The following ROCK1 variants were observed in gnomAD, a reference collection of about 807,000 sequenced individuals.
The protein encoded by ROCK1 is Rho associated coiled-coil containing protein kinase 1.
A neutral mutation model predicts 196.8 loss-of-function variants in ROCK1; 36 were observed. The observed-to-expected ratio is 0.18, with a 90% CI of 0.14 to 0.24. The LOEUF (loss-of-function observed/expected upper bound fraction) is 0.24. Ranked by LOEUF, ROCK1 falls within the 10% of genes least tolerant of loss-of-function variation. ROCK1 has a pLI of 1.00. For missense variants in ROCK1, 920 were observed against 1,562.0 expected (o/e 0.59, Z 6.93); for synonymous variants, 443 against 515.9 (o/e 0.86, Z 1.91).
chr18:20,959,062 T>TATA, intron 29 of ROCK1, among the ~76,000 whole-genome samples: 5 of 47,734 alleles, frequency 1.0e-4, no homozygotes, highest in African/African-American at 3.0e-4. Context: ...ATATATTATA[T>TATA]TTTATATTAT....
intron 8 of ROCK1, among the ~76,000 whole-genome samples, chr18:21,040,199 T>C (rs766654496): frequency 1.3e-5 from 2 of 152,236 alleles, no homozygotes; most frequent in Non-Finnish European, 2.9e-5. Flanking sequence ...TTTTTGTGTG[T>C]GTGTGTTATT....
intron 22 of ROCK1, among the ~76,000 whole-genome samples, chr18:20,973,698 T>G (rs1362402658): frequency 6.6e-6 from 1 of 152,328 alleles, no homozygotes; most frequent in Non-Finnish European, 1.5e-5. Flanking sequence ...GGTACTATTC[T>G]CTACTTAGAA....
In ROCK1 at chr18:20,970,432, C is replaced by G; in HGVS notation, c.2736G>C (p.Gln912His). Residue 912 changes from glutamine (Q) to histidine (H), a missense_variant, in exon 23 of 33, where the codon CAG becomes CAC. Transcript: ENST00000399799. Reference sequence around the variant, plus strand: ...TGCTTTCTTGCGTCAATTCAAAATACTGTTCTTCCAGAAGGCCTCGCGCCA... The same window carrying G: ...TGCTTTCTTGCGTCAATTCAAAATAGTGTTCTTCCAGAAGGCCTCGCGCCA... The part of the protein sequence containing the change: ...EQLARGLLEE[Q>H]YFELTQESKK... 1 of 1,613,952 alleles carries G rather than the reference C, an allele frequency of 6.2e-7. No homozygotes were observed. The highest frequency in any genetic ancestry group is 8.5e-7 in the Non-Finnish European group (1 of 1,179,842).
In ROCK1 at chr18:21,042,291, G is replaced by A. The variant is rs1026189251; in HGVS notation, c.821-56C>T. On this transcript the variant is annotated intron_variant, in intron 7 of 32. Transcript: ENST00000399799. ...AATGAAATACATTTTTAAAAAGTCA[G>A]TTTCAAAGGAAGAGTCAAAGTTACC... 2.8e-6 allele frequency: 4 copies of A among 1,454,264 alleles called. No homozygotes were observed. In the African/African-American group the frequency reaches 5.8e-5, roughly 21 times the overall value. The allele number at this position is 1,454,264 out of a possible 1,614,324, so 90.1% of individuals were successfully genotyped here.
At chr18:20,955,066 G>A in intron 30 of ROCK1, 22 bp from the exon 31 acceptor site, 1 of 1,547,518 alleles carries the variant, frequency 6.5e-7, no homozygotes, top group East Asian at 2.2e-5. Context: ...AATGGTGAAA[G>A]GAAAAGATTT....
intron 16 of ROCK1, among the ~76,000 whole-genome samples, chr18:21,004,307 C>T (rs2035751067): frequency 6.6e-6 from 1 of 152,124 alleles, no homozygotes; most frequent in Non-Finnish European, 1.5e-5. Flanking sequence ...CAGAAGCCCA[C>T]CATCCCAAAC....
In ROCK1 at chr18:21,108,635, T is replaced by C. The variant is rs556610414; in HGVS notation, c.93+2183A>G. ...GAGTCATCTGACTATTGCCTCTCTCTTTGGTTCCCCATCTTTTCCCTGCCA... is the reference window on the plus strand; with the variant it reads ...GAGTCATCTGACTATTGCCTCTCTCCTTGGTTCCCCATCTTTTCCCTGCCA... On this transcript the variant is annotated intron_variant, in intron 1 of 32. Transcript: ENST00000399799. 2.6e-5 allele frequency among the ~76,000 whole-genome samples: 4 copies of C among 152,356 alleles called. No homozygotes were observed. The East Asian group carries it at 7.7e-4, about 29-fold the overall frequency.
intron 21 of ROCK1, 34 bp from the exon 22 acceptor site, chr18:20,980,038 T>G: frequency 1.3e-6 from 2 of 1,487,020 alleles, no homozygotes; most frequent in Non-Finnish European, 1.8e-6. Context: ...AATAAGTGTT[T>G]ATGGTGGGTT....
rs2036748663 is a variant in ROCK1 at position 21,111,193 on chromosome 18, C to G, written c.-283G>C. The G allele has an allele frequency of 1.9e-6, 1 of 535,116 alleles. No homozygotes were observed. The highest frequency in any genetic ancestry group is 3.3e-6 in the Non-Finnish European group (1 of 305,170). The allele number at this position is 535,116 out of a possible 1,614,324, so 33.1% of individuals were successfully genotyped here. On this transcript the variant is annotated 5_prime_UTR_variant, in exon 1 of 33. Transcript: ENST00000399799. The surrounding 1 kb of genome is among the most constrained non-coding windows in gnomAD (Gnocchi z 4.2). ...ACAGCGCCGTCGCCACCAGCCTCGTCGCTCCGGCGAGGTGCTTCAGTCTAG... is the reference window on the plus strand; with the variant it reads ...ACAGCGCCGTCGCCACCAGCCTCGTGGCTCCGGCGAGGTGCTTCAGTCTAG...
intron 1 of ROCK1, among the ~76,000 whole-genome samples, chr18:21,109,487 T>C (rs1598566612): frequency 6.6e-6 from 1 of 152,224 alleles, no homozygotes; most frequent in Non-Finnish European, 1.5e-5. Context: ...AAATCCTTAC[T>C]ACAAGATATA....
At chr18:21,076,677 AC>A (rs2036434346) in intron 1 of ROCK1, among the ~76,000 whole-genome samples, 1 of 143,532 alleles carries the variant, frequency 7.0e-6, no homozygotes, top group African/African-American at 2.7e-5. Context: ...GTACATACAC[AC>A]ACACACACAC....
intron 1 of ROCK1, among the ~76,000 whole-genome samples, chr18:21,086,777 A>T (rs1287260364): frequency 1.3e-5 from 2 of 151,892 alleles, no homozygotes; most frequent in Non-Finnish European, 2.9e-5. Context: ...AAAAAAAAAA[A>T]TTAAGACATT....
At chr18:21,106,999 T>C (rs1295576458) in intron 1 of ROCK1, among the ~76,000 whole-genome samples, 1 of 152,192 alleles carries the variant, frequency 6.6e-6, no homozygotes, top group Non-Finnish European at 1.5e-5. Context: ...TATTTGCATA[T>C]ACATAAGATA....
Position 21,050,236 on chromosome 18 carries a change from T to C in ROCK1, c.176-356A>G, listed in dbSNP as rs45590631. 5.8e-3 allele frequency among the ~76,000 whole-genome samples: 877 copies of C among 152,064 alleles called. 6 individuals are homozygous for C. The highest frequency in any genetic ancestry group is 9.0e-3 in the Non-Finnish European group (611 of 67,948). On this transcript the variant is annotated intron_variant, in intron 2 of 32. Coordinates refer to ENST00000399799, the MANE Select transcript of ROCK1 (RefSeq NM_005406.3). ...ACATCAAATCTGAATTTAGGAAACA[T>C]GAGTAGATATTTTAGATTAATACTG...
intron 1 of ROCK1, among the ~76,000 whole-genome samples, chr18:21,102,854 A>C (rs555465837): frequency 3.9e-5 from 6 of 152,094 alleles, no homozygotes; most frequent in African/African-American, 1.4e-4. Flanking sequence ...TGACAGGGCC[A>C]GACCCTGTCT....
chr18:21,086,357 C>A (rs1307984640), intron 1 of ROCK1, among the ~76,000 whole-genome samples: 1 of 152,108 alleles, frequency 6.6e-6, no homozygotes, highest in Non-Finnish European at 1.5e-5. Flanking sequence ...AGTGATCCGC[C>A]CACCTAGGCA....
Position 20,992,825 on chromosome 18 carries a change from AT to A in ROCK1, c.1992+5del, listed in dbSNP as rs1220797057. On this transcript the variant is annotated splice_donor_5th_base_variant and intron_variant, in intron 17 of 32. Transcript: ENST00000399799. ...TATAATAATTGGTATATGTTAAATC[AT>A]TTACCTTTTCTGAGTGATTAAGCAT... 6 of 1,522,882 alleles carry A rather than the reference AT, an allele frequency of 3.9e-6. No individual in the cohort carries two copies. The highest frequency in any genetic ancestry group is 1.4e-5 in the African/African-American group (1 of 73,058). The allele number at this position is 1,522,882 out of a possible 1,614,324, so 94.3% of individuals were successfully genotyped here.
intron 29 of ROCK1, among the ~76,000 whole-genome samples, chr18:20,958,479 T>C (rs2035268205): frequency 6.6e-6 from 1 of 152,064 alleles, no homozygotes; most frequent in Non-Finnish European, 1.5e-5. Context: ...ACATAATCTA[T>C]GATAATATAA....
chr18:21,010,871 T>C (rs1167722772), intron 13 of ROCK1, among the ~76,000 whole-genome samples: 1 of 152,256 alleles, frequency 6.6e-6, no homozygotes, highest in Non-Finnish European at 1.5e-5. Context: ...TTGTTTGGTG[T>C]ACAGTTAGGA....
Sources: gnomAD v4.1 joint callset for allele counts (sites outside exome capture counted in the v4.1 genomes callset) on GRCh38, gnomAD v4.1.1 for gene constraint, Gnocchi (gnomAD v3.1) non-coding constraint, MANE v1.5 for transcripts, NCBI Gene and HGNC (gene_info 2026-07-23, HGNC 2026-07-21) for gene names.